The following DEPDC1B variants were observed in gnomAD, a reference collection of about 807,000 sequenced individuals.
The protein encoded by DEPDC1B is DEP domain-containing protein 1B.
In DEPDC1B, 51 loss-of-function variants were observed where a neutral mutation model predicts 66.5. The ratio of observed to expected loss-of-function variants is 0.77; its 90% CI spans 0.61 to 0.97. The LOEUF is 0.97. Ranked by LOEUF, DEPDC1B falls within the 50% of genes least tolerant of loss-of-function variation. DEPDC1B has a pLI of 0.00. For missense variants in DEPDC1B, 552 were observed against 637.1 expected (o/e 0.87, Z 1.44); for synonymous variants, 226 against 223.6 (o/e 1.01, Z -0.10).
At chr5:60,679,340 GC>G (rs1220967834) in intron 2 of DEPDC1B, among the ~76,000 whole-genome samples, 1 of 152,132 alleles carries the variant, frequency 6.6e-6, no homozygotes, top group African/African-American at 2.4e-5. Context: ...TGATTCCTCT[GC>G]TTTTTACATT....
chr5:60,608,294 T>A (rs1189260450), intron 7 of DEPDC1B, among the ~76,000 whole-genome samples: 4 of 152,110 alleles, frequency 2.6e-5, no homozygotes, highest in Admixed American at 2.0e-4. Flanking sequence ...CACCTTATCC[T>A]TACTGCATTG....
chr5:60,685,087 C>T (rs535731285), intron 2 of DEPDC1B, among the ~76,000 whole-genome samples: 17 of 152,322 alleles, frequency 1.1e-4, no homozygotes, highest in African/African-American at 4.1e-4. Context: ...CTCATACTCT[C>T]CTCCTCTGTT....
intron 2 of DEPDC1B, among the ~76,000 whole-genome samples, chr5:60,672,671 A>T (rs1754069088): frequency 6.6e-6 from 1 of 152,212 alleles, no homozygotes; most frequent in Non-Finnish European, 1.5e-5. Flanking sequence ...GGTGACCAGT[A>T]TATCCTAAAA....
At chr5:60,698,167 T>G (rs1754697961) in intron 1 of DEPDC1B, among the ~76,000 whole-genome samples, 1 of 152,216 alleles carries the variant, frequency 6.6e-6, no homozygotes, top group Non-Finnish European at 1.5e-5. Flanking sequence ...TCCCTAAAGT[T>G]AGACTTATCA....
chr5:60,686,885 G>A lies in DEPDC1B; in HGVS notation c.314+77C>T, dbSNP rs1006198913. The A allele has an allele frequency of 1.9e-5, 29 of 1,551,194 alleles. No homozygotes were observed. In the African/African-American group the frequency reaches 3.7e-4, roughly 20 times the overall value. The stretch of plus-strand genomic sequence containing the variant: ...GAACAAGGTAAATTCTTACACATCA[G>A]GAAGCTTCAACAGACTTGGACCAGA... On this transcript the variant is annotated intron_variant, in intron 2 of 10. Coordinates refer to ENST00000265036, the MANE Select transcript of DEPDC1B (RefSeq NM_018369.3).
chr5:60,651,680 A>C (rs973856247), intron 2 of DEPDC1B, among the ~76,000 whole-genome samples: 3 of 152,232 alleles, frequency 2.0e-5, no homozygotes, highest in African/African-American at 7.2e-5. Context: ...AAATGGATGC[A>C]TGAAGGGCCT....
intron 5 of DEPDC1B, 120 bp from the exon 6 acceptor site, chr5:60,642,979 A>C: frequency 1.5e-6 from 1 of 687,328 alleles, no homozygotes; most frequent in Admixed American, 3.1e-5. Flanking sequence ...CTAATCACAA[A>C]TCACCAATTT....
intron 7 of DEPDC1B, among the ~76,000 whole-genome samples, chr5:60,612,371 C>T (rs1752430226): frequency 6.7e-6 from 1 of 149,982 alleles, no homozygotes; most frequent in Non-Finnish European, 1.5e-5. Flanking sequence ...TGCAATGAGC[C>T]AAGATTGTGC....
rs1415389665 is a variant in DEPDC1B, at chr5:60,638,822, C to G, written c.826G>C (p.Ala276Pro). 6.2e-7 allele frequency: 1 copy of G among 1,613,074 alleles called. No homozygotes were observed. The highest frequency in any genetic ancestry group is 1.1e-5 in the South Asian group (1 of 90,916). Residue 276 changes from alanine to proline, a missense_variant, in exon 7 of 11, where the codon GCT (alanine) becomes CCT (proline). Transcript: ENST00000265036. ...GFEKDVFKTI[A>P]DYYGHLKEPL... ...TCTTTCAAGTGACCATAGTAATCAG[C>G]TATGGTTTTAAAGACATCTTTTTCA...
intron 2 of DEPDC1B, among the ~76,000 whole-genome samples, chr5:60,677,320 A>ACT (rs1210073972): frequency 3.0e-4 from 32 of 107,776 alleles, no homozygotes; most frequent in African/African-American, 9.5e-4. Flanking sequence ...ACACACACAC[A>ACT]CACACACTCT....
At chr5:60,622,804 T>A (rs942918152) in intron 7 of DEPDC1B, among the ~76,000 whole-genome samples, 22 of 152,236 alleles carry the variant, frequency 1.4e-4, no homozygotes, top group Non-Finnish European at 8.8e-5. Context: ...AATCTTTTCA[T>A]GTGCTTATGA....
intron 2 of DEPDC1B, among the ~76,000 whole-genome samples, chr5:60,655,052 T>C (rs1007233069): frequency 3.3e-5 from 5 of 149,262 alleles, no homozygotes; most frequent in African/African-American, 1.3e-4. Context: ...GATTTTTGTA[T>C]CTATGTTCAT....
Position 60,618,272 on chromosome 5 carries a change from A to G in DEPDC1B, c.899-12416T>C, listed in dbSNP as rs557077768. ...CACATTCAAAAGCCAACAGAAGGCA[A>G]GAAATAACTAAGATCAGAGCAGAAC... On this transcript the variant is annotated intron_variant, in intron 7 of 10. Transcript: ENST00000265036. Among the ~76,000 whole-genome samples, 3 of 152,354 alleles carry G rather than the reference A, an allele frequency of 2.0e-5. No individual in the cohort carries two copies. The South Asian group carries it at 6.2e-4, about 32-fold the overall frequency.
chr5:60,673,417 G>C (rs904495027), intron 2 of DEPDC1B, among the ~76,000 whole-genome samples: 10 of 152,138 alleles, frequency 6.6e-5, no homozygotes, highest in African/African-American at 1.7e-4. Context: ...GGAGCGGGGG[G>C]CACTGGAAGA....
In DEPDC1B at chr5:60,603,409, A is replaced by G; in HGVS notation, c.1224T>C (p.Ala408=). 1 of 1,583,380 alleles carries G rather than the reference A, an allele frequency of 6.3e-7. No homozygotes were observed. Among genetic ancestry groups the G allele is most frequent in the South Asian group, 1.2e-5 (1 of 84,866 alleles). The stretch of plus-strand genomic sequence containing the variant: ...CCTTTACCTGGACTCTTCGTAGATG[A>G]GCCACACGCTCCTCTATAGAGGTCT... The part of the protein sequence containing the change: ...ALQTSIEERV[A]HLRRVQIKYP... The change falls in exon 9 of 11, where the codon GCT becomes GCC. Residue 408 remains alanine, a synonymous_variant. Transcript: ENST00000265036.
At chr5:60,683,519 A>T (rs898217475) in intron 2 of DEPDC1B, among the ~76,000 whole-genome samples, 1 of 152,156 alleles carries the variant, frequency 6.6e-6, no homozygotes, top group African/African-American at 2.4e-5. Context: ...CAAAAACCAT[A>T]TGACCACTCA....
intron 1 of DEPDC1B, among the ~76,000 whole-genome samples, chr5:60,695,331 C>T (rs1038927586): frequency 2.0e-5 from 3 of 152,000 alleles, no homozygotes; most frequent in African/African-American, 7.3e-5. Context: ...GAAGGTGAAG[C>T]GGAAGCAGGC....
At chr5:60,692,608 G>C (rs1053098239) in intron 1 of DEPDC1B, among the ~76,000 whole-genome samples, 1 of 152,122 alleles carries the variant, frequency 6.6e-6, no homozygotes, top group African/African-American at 2.4e-5. Context: ...TTGGAAAACA[G>C]ATTGGCAATA....
At chr5:60,643,837 T>C (rs1753246358) in intron 5 of DEPDC1B, among the ~76,000 whole-genome samples, 2 of 152,146 alleles carry the variant, frequency 1.3e-5, no homozygotes, top group Non-Finnish European at 2.9e-5. Flanking sequence ...ATAGTGACTA[T>C]AAAAGGAGAA....
Sources: gnomAD v4.1 joint callset for allele counts (sites outside exome capture counted in the v4.1 genomes callset) on GRCh38, gnomAD v4.1.1 for gene constraint, MANE v1.5 for transcripts, NCBI Gene and HGNC (gene_info 2026-07-23, HGNC 2026-07-21) for gene names.